CFAP119: variants seen among roughly 807,000 people sequenced by gnomAD.
The protein encoded by CFAP119 is cilia and flagella associated protein 119, also known as cilia- and flagella-associated protein 119.
At chr16:30,761,451 C>A in the CFAP119 span, 1 of 1,498,296 alleles carries the variant, frequency 6.7e-7, no homozygotes. Context: ...GCCCGGGAGA[C>A]GTCCCGAACG....
the CFAP119 span, chr16:30,761,088 A>G: frequency 7.9e-7 from 1 of 1,260,242 alleles, no homozygotes; most frequent in Non-Finnish European, 1.1e-6. Context: ...TTGCATCTCC[A>G]GGCCTCAGTC....
At chr16:30,758,739 G>A in the CFAP119 span, 1 of 475,296 alleles carries the variant, frequency 2.1e-6, no homozygotes, top group African/African-American at 2.0e-5. Flanking sequence ...TATTTTAGTA[G>A]ATAGGGGGTT....
At chr16:30,761,194 T>C in the CFAP119 span, 2 of 1,613,850 alleles carry the variant, frequency 1.2e-6, no homozygotes, top group Non-Finnish European at 8.5e-7. Flanking sequence ...CTCTTCACAC[T>C]CACCACATGC....
the CFAP119 span, chr16:30,759,481 G>C: frequency 6.2e-7 from 1 of 1,614,214 alleles, no homozygotes; most frequent in East Asian, 2.2e-5. Context: ...CTCGGAATTA[G>C]AACCCTGACT....
the CFAP119 span, chr16:30,757,806 C>G: frequency 7.0e-7 from 1 of 1,419,178 alleles, no homozygotes; most frequent in East Asian, 2.6e-5. Flanking sequence ...TTAGCAAGCC[C>G]TTGTGTGAGA....
the CFAP119 span, chr16:30,757,671 G>A: frequency 3.1e-6 from 5 of 1,603,758 alleles, no homozygotes; most frequent in African/African-American, 1.3e-5. Flanking sequence ...GGGCAGGGAA[G>A]AAGGGGCAGG....
chr16:30,758,837 C>T, the CFAP119 span: 2 of 1,145,178 alleles, frequency 1.7e-6, no homozygotes, highest in Non-Finnish European at 2.4e-6. Context: ...GTGTGAGCCA[C>T]CACGCCTGGC....
At chr16:30,758,746 G>T in the CFAP119 span, 1 of 497,000 alleles carries the variant, frequency 2.0e-6, no homozygotes, top group Non-Finnish European at 3.6e-6. Context: ...GTAGATAGGG[G>T]GTTTCACGGT....
chr16:30,759,532 C>CAGGAGCA, the CFAP119 span: 1 of 1,614,152 alleles, frequency 6.2e-7, no homozygotes, highest in Non-Finnish European at 8.5e-7. Context: ...AGCCCAGCAA[C>CAGGAGCA]AGGAGCAAGG....
the CFAP119 span, chr16:30,759,984 T>G: frequency 5.1e-5 from 75 of 1,457,964 alleles, no homozygotes; most frequent in Admixed American, 1.0e-4. Flanking sequence ...AATAGATCAT[T>G]TCAGCTATTA....
At chr16:30,759,404 C>G in the CFAP119 span, 1 of 1,614,234 alleles carries the variant, frequency 6.2e-7, no homozygotes, top group Non-Finnish European at 8.5e-7. Flanking sequence ...ACCACGTAGT[C>G]TTCCAAGGCC....
the CFAP119 span, chr16:30,759,080 A>G: frequency 1.9e-6 from 3 of 1,613,906 alleles, no homozygotes; most frequent in Admixed American, 3.3e-5. Flanking sequence ...CTGCTCCTCC[A>G]TCTCCTTGCT....
At chr16:30,758,831 G>A in the CFAP119 span, 7 of 1,069,824 alleles carry the variant, frequency 6.5e-6, no homozygotes, top group South Asian at 1.2e-4. Flanking sequence ...TTACAGGTGT[G>A]AGCCACCACG....
the CFAP119 span, chr16:30,759,285 C>G: frequency 7.4e-6 from 12 of 1,613,636 alleles, no homozygotes; most frequent in Non-Finnish European, 1.0e-5. Context: ...AAGGAGTGCA[C>G]CTGTGCTGAG....
chr16:30,757,464 A>G, the CFAP119 span: 1 of 1,609,712 alleles, frequency 6.2e-7, no homozygotes, highest in Non-Finnish European at 8.5e-7. Context: ...TTATTGGGGA[A>G]AATGTTGGGG....
At chr16:30,760,767 A>G in the CFAP119 span, 1 of 1,108,948 alleles carries the variant, frequency 9.0e-7, no homozygotes, top group Non-Finnish European at 1.3e-6. Context: ...ACCGGCGTGA[A>G]GCTGGGCTCT....
chr16:30,761,557 G>A, the CFAP119 span: 2 of 1,536,162 alleles, frequency 1.3e-6, no homozygotes, highest in Admixed American at 2.0e-5. Flanking sequence ...GAAACAAGTT[G>A]GCTCCGGGGT....
the CFAP119 span, chr16:30,757,705 A>G: frequency 2.6e-6 from 4 of 1,554,804 alleles, no homozygotes; most frequent in Non-Finnish European, 1.7e-6. Flanking sequence ...CTGTCTGGCA[A>G]TGGGGGGATG....
the CFAP119 span, chr16:30,761,709 C>A: frequency 6.5e-7 from 1 of 1,532,056 alleles, no homozygotes; most frequent in Non-Finnish European, 8.7e-7. Context: ...TCCGACTGCA[C>A]CCTCATTCCC....
Sources: allele counts gnomAD v4.1 joint callset, GRCh38; gene constraint gnomAD v4.1.1; transcripts MANE v1.5; gene names NCBI Gene and HGNC (gene_info 2026-07-23, HGNC 2026-07-21).